KMO: variants seen among roughly 807,000 people sequenced by gnomAD.
KMO encodes the protein kynurenine 3-monooxygenase.
In KMO, 24 loss-of-function variants were observed where a neutral mutation model predicts 57.8. That is an observed-to-expected ratio of 0.42 (90% confidence interval 0.30 to 0.58). KMO has a LOEUF of 0.58. KMO is among the 20% of genes least tolerant of loss of function. The pLI, the probability that KMO is intolerant of heterozygous loss-of-function variation, is 0.22. For missense variants in KMO, 483 were observed against 588.2 expected (o/e 0.82, Z 1.85); for synonymous variants, 210 against 193.6 (o/e 1.08, Z -0.70).
chr1:241,591,361 G>A (rs1663290879), intron 14 of KMO, among the ~76,000 whole-genome samples: 1 of 151,748 alleles, frequency 6.6e-6, no homozygotes, highest in African/African-American at 2.4e-5. Context: ...GTTATGCTAA[G>A]CTACTGTCCA....
In KMO at chr1:241,591,947, T is replaced by C. The variant is rs1177330449; in HGVS notation, c.1261-6T>C. 1 of 1,611,734 alleles carries C rather than the reference T, an allele frequency of 6.2e-7. No individual in the cohort carries two copies. Among genetic ancestry groups the C allele is most frequent in the Non-Finnish European group, 8.5e-7 (1 of 1,177,978 alleles). Reference sequence around the variant, plus strand: ...AAATGAAATGAGAGTTCTTGCTGTCTTACAGGTGATAAACAAAGGACTCTT... The same window carrying C: ...AAATGAAATGAGAGTTCTTGCTGTCCTACAGGTGATAAACAAAGGACTCTT... On this transcript the variant is annotated splice_polypyrimidine_tract_variant and splice_region_variant and intron_variant, in intron 14 of 14. Transcript: ENST00000366559.
chr1:241,594,651 A>G lies in KMO; in HGVS notation c.*2498A>G, dbSNP rs1238935720. ...GTCTTTAGCAGGCCTCTGGCACCTC[A>G]GCAGTCGGAGGCACAGAAGCTGCAA... On this transcript the variant is annotated 3_prime_UTR_variant, in exon 15 of 15. Transcript: ENST00000366559. 6.2e-7 allele frequency: 1 copy of G among 1,614,090 alleles called. No homozygotes were observed. Among genetic ancestry groups the G allele is most frequent in the South Asian group, 1.1e-5 (1 of 91,078 alleles).
At chr1:241,552,822 C>T (rs1661459774) in intron 4 of KMO, among the ~76,000 whole-genome samples, 1 of 152,150 alleles carries the variant, frequency 6.6e-6, no homozygotes, top group South Asian at 2.1e-4. Flanking sequence ...GAACTTTCTC[C>T]AATGTGATGT....
At chr1:241,583,254 C>G (rs1392211658) in intron 10 of KMO, among the ~76,000 whole-genome samples, 1 of 152,106 alleles carries the variant, frequency 6.6e-6, no homozygotes, top group African/African-American at 2.4e-5. Flanking sequence ...GAAGCTAACA[C>G]AGTACTGTGT....
intron 10 of KMO, among the ~76,000 whole-genome samples, chr1:241,580,946 T>C (rs1369109248): frequency 2.6e-5 from 4 of 151,244 alleles, no homozygotes; most frequent in African/African-American, 9.7e-5. Context: ...CCAGCTATTA[T>C]TGTATTGGGG....
At chr1:241,541,476 T>C (rs1189587741) in intron 1 of KMO, among the ~76,000 whole-genome samples, 2 of 152,158 alleles carry the variant, frequency 1.3e-5, no homozygotes, top group South Asian at 2.1e-4. Flanking sequence ...GGGAGATGCC[T>C]ATAGACAGGT....
chr1:241,578,542 G>A (rs1479474291), intron 10 of KMO, among the ~76,000 whole-genome samples: 1 of 152,176 alleles, frequency 6.6e-6, no homozygotes, highest in South Asian at 2.1e-4. Flanking sequence ...AAGGGATCCA[G>A]TAATGTGACC....
chr1:241,550,213 T>G (rs1415391800), intron 3 of KMO: 1 of 153,942 alleles, frequency 6.5e-6, no homozygotes, highest in African/African-American at 2.4e-5. Flanking sequence ...CTTTGTAGTC[T>G]TTTAAAAATC....
intron 6 of KMO, 67 bp downstream of exon 6, chr1:241,560,819 T>C: frequency 1.0e-6 from 1 of 1,002,622 alleles, no homozygotes; most frequent in Non-Finnish European, 1.6e-6. Context: ...ATCTGCAAAC[T>C]TTGTTCTTTG....
rs372844382 is a variant in KMO at position 241,548,893 on chromosome 1, G to A, written c.119G>A (p.Arg40Lys). 1.2e-6 allele frequency: 2 copies of A among 1,604,388 alleles called. No homozygotes were observed. Among genetic ancestry groups the A allele is most frequent in the African/African-American group, 1.3e-5 (1 of 74,704 alleles). ...RNFQIDVYEA[R>K]EDTRVATFTR... ...TTCCAGATTGATGTATATGAAGCTA[G>A]GGAAGGTACGTCCATGGTGAAAAAA... Residue 40 changes from arginine to lysine, a missense_variant, in exon 2 of 15, where the codon AGG (arginine) becomes AAG (lysine). Physicochemically the swap from Arg to Lys is conservative, Grantham distance 26. Around this residue, in one of 3 missense-constraint regions of KMO, gnomAD observed 70 missense variants for 78.4 expected, o/e 0.89. Coordinates refer to ENST00000366559, the MANE Select transcript of KMO (RefSeq NM_003679.5).
rs1285107798 is a variant in KMO at position 241,592,073 on chromosome 1, G to T, written c.1381G>T (p.Ala461Ser). 1 of 1,613,990 alleles carries T rather than the reference G, an allele frequency of 6.2e-7. No individual in the cohort carries two copies. Residue 461 changes from alanine (A) to serine (S), a missense_variant, in exon 15 of 15, where the codon GCT (alanine) becomes TCT (serine). By Grantham distance (99) the Ala-to-Ser change is moderately conservative. Around this residue, in one of 3 missense-constraint regions of KMO, gnomAD observed 410 missense variants for 492.3 expected, o/e 0.83. Transcript: ENST00000366559. ...CTTGAGAAGACCATGGAACTGGATA[G>T]CTCACTTCCGGAATACAACATGTTT... ...LRLRRPWNWI[A>S]HFRNTTCFPA...
At chr1:241,545,223 C>T (rs991346309) in intron 1 of KMO, among the ~76,000 whole-genome samples, 2 of 152,134 alleles carry the variant, frequency 1.3e-5, no homozygotes, top group Non-Finnish European at 1.5e-5. Flanking sequence ...GTGAGCAAAA[C>T]CTGTTGATAG....
intron 4 of KMO, among the ~76,000 whole-genome samples, chr1:241,553,814 A>G (rs1661502183): frequency 6.6e-6 from 1 of 152,234 alleles, no homozygotes; most frequent in Admixed American, 6.5e-5. Context: ...GAGGCAGAGA[A>G]TGAAGATGTT....
At position 241,566,263 on chromosome 1, in the gene KMO, T is replaced by C. The variant is rs1662074136; in HGVS notation, c.688-228T>C. On this transcript the variant is annotated intron_variant, in intron 8 of 14. Coordinates refer to ENST00000366559, the MANE Select transcript of KMO (RefSeq NM_003679.5). ...CTGTGTGAAAATGGAGAGTTTACAA[T>C]ATAGAAATTGTCCGAATAATCAAAG... Among the ~76,000 whole-genome samples the C allele has an allele frequency of 2.6e-5, 4 of 152,224 alleles. No homozygotes were observed. In the Middle Eastern group the frequency reaches 0.01, roughly 388 times the overall value.
At chr1:241,577,616 T>G (rs1219931707) in intron 10 of KMO, among the ~76,000 whole-genome samples, 2 of 152,020 alleles carry the variant, frequency 1.3e-5, no homozygotes, top group African/African-American at 4.8e-5. Context: ...TCCTATGGGG[T>G]TGGAATGGTA....
At chr1:241,545,824 A>C (rs12076929) in intron 1 of KMO, among the ~76,000 whole-genome samples, 1 of 151,896 alleles carries the variant, frequency 6.6e-6, no homozygotes, top group East Asian at 1.9e-4. Context: ...GGAGGATGAA[A>C]GGAAGTTTAC....
chr1:241,572,252 AC>A (rs1199920536), intron 10 of KMO, among the ~76,000 whole-genome samples: 2 of 152,004 alleles, frequency 1.3e-5, no homozygotes, highest in Non-Finnish European at 2.9e-5. Context: ...ACTTTTTGTT[AC>A]TGCTTCTATC....
intron 1 of KMO, among the ~76,000 whole-genome samples, chr1:241,538,471 C>T (rs1482502687): frequency 6.6e-6 from 1 of 152,128 alleles, no homozygotes; most frequent in Admixed American, 6.5e-5. Flanking sequence ...GACATACATG[C>T]CAGAGACGTT....
intron 10 of KMO, among the ~76,000 whole-genome samples, chr1:241,578,713 T>C (rs1200116335): frequency 6.6e-6 from 1 of 152,168 alleles, no homozygotes; most frequent in Non-Finnish European, 1.5e-5. Context: ...ACTTAGAACT[T>C]CCTGGTTAGC....
Sources: gnomAD v4.1 joint callset for allele counts (sites outside exome capture counted in the v4.1 genomes callset) on GRCh38, gnomAD v4.1.1 for gene constraint, gnomAD v4.1.1 regional missense constraint, MANE v1.5 for transcripts, NCBI Gene and HGNC (gene_info 2026-07-23, HGNC 2026-07-21) for gene names.